The following MEGF11 variants were observed in gnomAD, a reference collection of about 807,000 sequenced individuals.
MEGF11 encodes multiple EGF like domains 11, also known as multiple epidermal growth factor-like domains protein 11.
Under a neutral mutation model 146.6 loss-of-function variants are expected in MEGF11, and 126 were observed. That is an observed-to-expected ratio of 0.86 (90% CI 0.74 to 1.00). The LOEUF is 1.00. Ranked by LOEUF, MEGF11 falls within the 50% of genes least tolerant of loss-of-function variation. The pLI is 0.00. For synonymous variants in MEGF11, 532 were observed against 583.4 expected, an observed-to-expected ratio of 0.91 and a Z score of 1.27; for missense variants, 1,509 against 1,521.2, an observed-to-expected ratio of 0.99 and a Z score of 0.13.
chr15:66,068,743 G>C (rs1443455448), intron 5 of MEGF11, among the ~76,000 whole-genome samples: 2 of 152,220 alleles, frequency 1.3e-5, no homozygotes, highest in African/African-American at 4.8e-5. Flanking sequence ...TCAGGTGACT[G>C]AATCAGGGGA....
chr15:66,213,016 T>G (rs760003971), intron 1 of MEGF11, among the ~76,000 whole-genome samples: 1 of 152,124 alleles, frequency 6.6e-6, no homozygotes, highest in African/African-American at 2.4e-5. Flanking sequence ...AAGAAGCTGT[T>G]TGGTGATATC....
intron 5 of MEGF11, among the ~76,000 whole-genome samples, chr15:66,056,435 T>C (rs2084677443): frequency 1.3e-5 from 2 of 152,316 alleles, no homozygotes; most frequent in South Asian, 2.1e-4. Context: ...GCACCTGATA[T>C]AGTAGGTACT....
chr15:66,188,971 G>T (rs1029995697), intron 1 of MEGF11, among the ~76,000 whole-genome samples: 2 of 152,148 alleles, frequency 1.3e-5, no homozygotes, highest in African/African-American at 4.8e-5. Context: ...TGATGATTCT[G>T]AGTGGAGCTG....
intron 1 of MEGF11, among the ~76,000 whole-genome samples, chr15:66,187,654 C>G (rs1285962620): frequency 6.6e-6 from 1 of 150,848 alleles, no homozygotes; most frequent in African/African-American, 2.5e-5. Context: ...TCATCCACAA[C>G]CCTCGGAGGG....
At chr15:66,134,105 C>T (rs1226956628) in intron 1 of MEGF11, among the ~76,000 whole-genome samples, 1 of 152,182 alleles carries the variant, frequency 6.6e-6, no homozygotes, top group Non-Finnish European at 1.5e-5. Context: ...CTGTCCCCTG[C>T]ACTCTCAAGC....
rs183763043 is a variant in MEGF11, at chr15:66,082,714, C to T, written c.394+11688G>A. ...AAGGGCGGTGCGGAGGGACTGTTTA[C>T]GTGAAGCATTTGCACACAGCGGGAG... On this transcript the variant is annotated intron_variant, in intron 5 of 25. Coordinates refer to ENST00000395614, the MANE Select transcript of MEGF11 (RefSeq NM_001385028.1). 8.9e-5 allele frequency among the ~76,000 whole-genome samples: 12 copies of T among 134,562 alleles called. No individual in the cohort carries two copies. In the East Asian group the frequency reaches 2.5e-3, roughly 28 times the overall value. The allele number at this position is 134,562 out of a possible 152,430, so 88.3% of individuals were successfully genotyped here. A position where few individuals can be genotyped will look rare whatever the true frequency, so the allele number is the denominator to read the frequency against.
At chr15:66,156,486 G>C (rs527540034) in intron 1 of MEGF11, among the ~76,000 whole-genome samples, 8 of 152,062 alleles carry the variant, frequency 5.3e-5, no homozygotes, top group Non-Finnish European at 1.5e-5. Context: ...CTTAAAGACA[G>C]CCACAGCTGG....
intron 20 of MEGF11, chr15:65,913,453 G>T (rs2078880957): frequency 1.8e-6 from 1 of 545,078 alleles, no homozygotes; most frequent in African/African-American, 1.9e-5. Flanking sequence ...GTTAGTGTGG[G>T]TGCTCCTGAG....
intron 1 of MEGF11, among the ~76,000 whole-genome samples, chr15:66,207,260 A>C (rs950225180): frequency 6.6e-6 from 1 of 152,224 alleles, no homozygotes; most frequent in African/African-American, 2.4e-5. Context: ...CATCATAATC[A>C]AACTGTTAAA....
At chr15:66,108,472 A>G (rs902221095) in intron 4 of MEGF11, among the ~76,000 whole-genome samples, 6 of 152,344 alleles carry the variant, frequency 3.9e-5, no homozygotes, top group African/African-American at 1.2e-4. Context: ...TGATAGTGCA[A>G]AGAAAAAAAC....
chr15:66,010,118 G>A (rs1199353314), intron 5 of MEGF11, among the ~76,000 whole-genome samples: 1 of 146,086 alleles, frequency 6.8e-6, no homozygotes, highest in Non-Finnish European at 1.5e-5. Context: ...TGGAAGAATT[G>A]TCTTGGGCCA....
chr15:66,233,288 T>TCGCCCAGCTTTGTCGCCCAG (rs2092008639), intron 1 of MEGF11, among the ~76,000 whole-genome samples: 1 of 152,126 alleles, frequency 6.6e-6, no homozygotes, highest in Admixed American at 6.5e-5. Context: ...CAGGCTGGAG[T>TCGCCCAGCTTTGTCGCCCAG]GCAAGAGCAT....
intron 1 of MEGF11, among the ~76,000 whole-genome samples, chr15:66,249,982 T>C (rs565537896): frequency 2.0e-5 from 3 of 152,372 alleles, no homozygotes; most frequent in East Asian, 3.9e-4. Context: ...CCCCTCTTAC[T>C]GCACAGCTGT....
At chr15:65,920,347 A>G (rs968953096) in intron 15 of MEGF11, among the ~76,000 whole-genome samples, 11 of 152,218 alleles carry the variant, frequency 7.2e-5, no homozygotes, top group Non-Finnish European at 1.6e-4. Flanking sequence ...CTCAGGCTCC[A>G]GCTTTTTGAA....
At chr15:66,136,740 T>G (rs2088904410) in intron 1 of MEGF11, among the ~76,000 whole-genome samples, 1 of 152,154 alleles carries the variant, frequency 6.6e-6, no homozygotes, top group South Asian at 2.1e-4. Context: ...GATAAAGAAA[T>G]ATTTGAGCCA....
At chr15:66,114,220 C>T (rs930870320) in intron 4 of MEGF11, among the ~76,000 whole-genome samples, 12 of 152,192 alleles carry the variant, frequency 7.9e-5, no homozygotes, top group African/African-American at 2.9e-4. Context: ...TAATACTGCT[C>T]ACTAAATGTT....
intron 1 of MEGF11, among the ~76,000 whole-genome samples, chr15:66,160,707 C>CACA (rs1555477714): frequency 0.016 from 1,382 of 88,210 alleles, 13 homozygotes; most frequent in African/African-American, 0.049. Flanking sequence ...ACACACACAC[C>CACA]CTTGCCCTAG....
chr15:66,242,439 A>G (rs2092228873), intron 1 of MEGF11, among the ~76,000 whole-genome samples: 1 of 145,402 alleles, frequency 6.9e-6, no homozygotes, highest in Non-Finnish European at 1.5e-5. Flanking sequence ...AAGAAAGAAA[A>G]AGAAGAAGAA....
intron 1 of MEGF11, among the ~76,000 whole-genome samples, chr15:66,200,788 G>A (rs1485143230): frequency 2.0e-5 from 3 of 152,126 alleles, no homozygotes; most frequent in South Asian, 2.1e-4. Context: ...GAAGTGGGCC[G>A]GGTATGAGCA....
Sources: gnomAD v4.1 joint callset for allele counts (sites outside exome capture counted in the v4.1 genomes callset) on GRCh38, gnomAD v4.1.1 for gene constraint, MANE v1.5 for transcripts, NCBI Gene and HGNC (gene_info 2026-07-23, HGNC 2026-07-21) for gene names.